VPS50: variants seen among roughly 807,000 people sequenced by gnomAD.
VPS50 encodes the protein VPS50 subunit of EARP/GARPII complex.
Under a neutral mutation model 139.7 loss-of-function variants are expected in VPS50, and 70 were observed. The ratio of observed to expected loss-of-function variants is 0.50; its 90% confidence interval spans 0.41 to 0.61. VPS50 has a LOEUF of 0.61. VPS50 is among the 20% of genes least tolerant of loss of function. The probability of loss-of-function intolerance (pLI) is 0.00; values close to 1 mark genes in which losing one functional copy is unlikely to be tolerated. For synonymous variants in VPS50, 365 were observed against 376.7 expected, an observed-to-expected ratio of 0.97 and a Z score of 0.36; for missense variants, 921 against 1,133.7, an observed-to-expected ratio of 0.81 and a Z score of 2.69.
chr7:93,342,623 G>A (rs1346701281), intron 23 of VPS50, among the ~76,000 whole-genome samples: 4 of 152,150 alleles, frequency 2.6e-5, no homozygotes, highest in Non-Finnish European at 4.4e-5. Context: ...GCACGCAGCT[G>A]GAGATCTGAG....
At chr7:93,287,287 G>T (rs1796517667) in intron 12 of VPS50, among the ~76,000 whole-genome samples, 1 of 151,972 alleles carries the variant, frequency 6.6e-6, no homozygotes, top group Non-Finnish European at 1.5e-5. Context: ...TGAGAAGAAA[G>T]CCTTGCTATA....
At chr7:93,273,395 C>G (rs1409274162) in intron 11 of VPS50, 2 of 151,936 alleles carry the variant, frequency 1.3e-5, no homozygotes, top group Admixed American at 1.3e-4. Flanking sequence ...GTTTTCTTCC[C>G]TTAAACGGTC....
intron 25 of VPS50, among the ~76,000 whole-genome samples, chr7:93,350,416 C>G (rs145637542): frequency 0.017 from 2,531 of 152,216 alleles, 84 homozygotes; most frequent in African/African-American, 0.058. Context: ...GGGTAAAAAT[C>G]ACACTACTTT....
intron 24 of VPS50, 54 bp downstream of exon 24, chr7:93,348,861 A>G: frequency 8.5e-7 from 1 of 1,181,764 alleles, no homozygotes; most frequent in Admixed American, 1.9e-5. Context: ...GGACTGTCAC[A>G]GATTATTTAG....
chr7:93,233,421 A>C (rs531893618), intron 1 of VPS50, among the ~76,000 whole-genome samples: 1 of 152,204 alleles, frequency 6.6e-6, no homozygotes, highest in Admixed American at 6.5e-5. Context: ...AGTGAAAGGT[A>C]TATTTGTGAG....
chr7:93,345,389 C>A (rs2117072009), intron 23 of VPS50, among the ~76,000 whole-genome samples: 1 of 152,286 alleles, frequency 6.6e-6, no homozygotes, highest in South Asian at 2.1e-4. Flanking sequence ...CAGCCAAATT[C>A]TACCAGAGGT....
chr7:93,310,051 G>T (rs1345966761), intron 19 of VPS50, among the ~76,000 whole-genome samples: 1 of 151,974 alleles, frequency 6.6e-6, no homozygotes, highest in Non-Finnish European at 1.5e-5. Context: ...GTGTCAGCAT[G>T]ATCTACTGTG....
chr7:93,329,802 C>T (rs141066999), intron 21 of VPS50, among the ~76,000 whole-genome samples: 24 of 152,000 alleles, frequency 1.6e-4, no homozygotes, highest in African/African-American at 5.1e-4. Flanking sequence ...CCAGTAAAAA[C>T]GTCATTCGAG....
intron 1 of VPS50, among the ~76,000 whole-genome samples, chr7:93,235,865 A>G (rs1194439920): frequency 2.0e-5 from 3 of 152,218 alleles, no homozygotes; most frequent in Non-Finnish European, 4.4e-5. Flanking sequence ...AGTTACAAAC[A>G]TGTAGATTGC....
At position 93,232,516 on chromosome 7, in the gene VPS50, T is replaced by G; in HGVS notation, c.33+16T>G. On this transcript the variant is annotated intron_variant, in intron 1 of 27. Coordinates refer to ENST00000305866, the MANE Select transcript of VPS50 (RefSeq NM_017667.4). ...GACCCGACAGGTAAGTCGCGGCGGC[T>G]GAAGCAAAGGCTTCCTTCATCTCGG... 6.2e-7 allele frequency: 1 copy of G among 1,610,936 alleles called. No homozygotes were observed. The highest frequency in any genetic ancestry group is 8.5e-7 in the Non-Finnish European group (1 of 1,177,278).
chr7:93,272,668 A>G lies in VPS50; in HGVS notation c.736A>G (p.Lys246Glu). 1 of 1,573,878 alleles carries G rather than the reference A, an allele frequency of 6.4e-7. No homozygotes were observed. Among genetic ancestry groups the G allele is most frequent in the South Asian group, 1.1e-5 (1 of 87,856 alleles). The stretch of plus-strand genomic sequence containing the variant: ...GGACGTAGCTCTTTCCAAAATCTGC[A>G]AGAATTTTGACATTAACCATTATAC... ...QLDVALSKIC[K>E]NFDINHYTKV... is the part of the protein sequence containing the mutation. Residue 246 changes from lysine to glutamate, a missense_variant, in exon 11 of 28, where the codon AAG becomes GAG. Physicochemically the swap from Lys to Glu is moderately conservative, Grantham distance 56 (BLOSUM62 1). Coordinates refer to ENST00000305866, the MANE Select transcript of VPS50 (RefSeq NM_017667.4).
At chr7:93,306,507 T>C (rs1455269440) in intron 18 of VPS50, among the ~76,000 whole-genome samples, 2 of 151,874 alleles carry the variant, frequency 1.3e-5, no homozygotes, top group Non-Finnish European at 2.9e-5. Flanking sequence ...TTTGAGGACC[T>C]CAAAAACAAT....
chr7:93,283,455 C>T lies in VPS50; in HGVS notation c.942+7150C>T, dbSNP rs183756245. On this transcript the variant is annotated intron_variant, in intron 12 of 27. Coordinates refer to ENST00000305866, the MANE Select transcript of VPS50 (RefSeq NM_017667.4). ...TTCACCATGTTGGTCAGGCTGGTCT[C>T]GAAATCCTGACTTCAGGTGATCCAC... Among the ~76,000 whole-genome samples, 189 of 152,126 alleles carry T rather than the reference C, an allele frequency of 1.2e-3. 1 individual carries two copies. The highest frequency in any genetic ancestry group is 4.3e-3 in the African/African-American group (180 of 41,522).
intron 16 of VPS50, among the ~76,000 whole-genome samples, chr7:93,299,968 G>T (rs950373285): frequency 6.6e-6 from 1 of 152,050 alleles, no homozygotes; most frequent in Admixed American, 6.5e-5. Context: ...ATTTTATTTT[G>T]TAATTGCTCT....
chr7:93,249,074 G>A (rs946938071), intron 2 of VPS50, among the ~76,000 whole-genome samples: 3 of 151,972 alleles, frequency 2.0e-5, no homozygotes, highest in Admixed American at 1.3e-4. Context: ...AGTATCAGGT[G>A]TTCCATGTCA....
At chr7:93,271,734 A>G (rs933617286) in intron 10 of VPS50, among the ~76,000 whole-genome samples, 2 of 151,748 alleles carry the variant, frequency 1.3e-5, no homozygotes, top group African/African-American at 2.4e-5. Context: ...AATTATGAGC[A>G]TGAAGCATGT....
Position 93,360,504 on chromosome 7 carries a change from C to T in VPS50, c.*2068C>T, listed in dbSNP as rs1798809031. On this transcript the variant is annotated 3_prime_UTR_variant, in exon 28 of 28. Transcript: ENST00000305866. ...GGTTTGAGTCATGAAGTTACCTAAT[C>T]ACAAGAGAGTTACCAGACATTTCTC... 1 of 147,060 alleles carries T rather than the reference C, an allele frequency of 6.8e-6. No individual in the cohort carries two copies. The highest frequency in any genetic ancestry group is 2.1e-4 in the East Asian group (1 of 4,878). The allele number at this position is 147,060 out of a possible 1,614,324, so 9.1% of individuals were successfully genotyped here.
rs533562042 is a variant in VPS50 at position 93,271,215 on chromosome 7, A to G, written c.660-5A>G. The G allele has an allele frequency of 9.1e-5, 140 of 1,538,892 alleles. No individual in the cohort carries two copies. In the East Asian group the frequency reaches 3.4e-3, roughly 37 times the overall value. On this transcript the variant is annotated splice_region_variant and splice_polypyrimidine_tract_variant and intron_variant, in intron 9 of 27. Coordinates refer to ENST00000305866, the MANE Select transcript of VPS50 (RefSeq NM_017667.4). ...GAAAAAAACTGTTTTTTTTTTTTTTAATAGTGAACTGAATTCAAAGCTGCA... is the reference window on the plus strand; with the variant it reads ...GAAAAAAACTGTTTTTTTTTTTTTTGATAGTGAACTGAATTCAAAGCTGCA...
Position 93,257,413 on chromosome 7 carries a change from C to T in VPS50, c.371C>T (p.Ser124Leu). ...CCATAGGAACTTGAAAGAGTTACCT[C>T]ATTGCAGACAGGTCTTCAATTAGCT... ...AYVKELERVT[S>L]LQTGLQLAAV... The change falls in exon 6 of 28, where the codon TCA (serine) becomes TTA (leucine). Residue 124 changes from serine (S) to leucine (L), a missense_variant. Physicochemically the swap from Ser to Leu is moderately radical, Grantham distance 145. Transcript: ENST00000305866. 1 of 1,598,972 alleles carries T rather than the reference C, an allele frequency of 6.3e-7. No individual in the cohort carries two copies.
Sources: gnomAD v4.1 joint callset for allele counts (sites outside exome capture counted in the v4.1 genomes callset) on GRCh38, gnomAD v4.1.1 for gene constraint, MANE v1.5 for transcripts, NCBI Gene and HGNC (gene_info 2026-07-23, HGNC 2026-07-21) for gene names.